SLC12A5: variants seen among roughly 807,000 people sequenced by gnomAD.
SLC12A5 encodes the protein solute carrier family 12 member 5, also known as K-Cl cotransporter 2.
Under a neutral mutation model 124.0 loss-of-function variants are expected in SLC12A5, and 18 were observed. The observed-to-expected ratio is 0.15, with a 90% confidence interval of 0.10 to 0.22. The LOEUF (loss-of-function observed/expected upper bound fraction) is 0.22, where lower values mean the gene tolerates loss of function less well. SLC12A5 is among the 10% of genes least tolerant of loss of function. The pLI is 1.00. For synonymous variants in SLC12A5, 589 were observed against 568.0 expected (o/e 1.04, Z -0.53); for missense variants, 867 against 1,478.7 (o/e 0.59, Z 6.78).
rs367615526 is a variant in SLC12A5 at position 46,057,132 on chromosome 20, C to A, written c.3126-38C>A. ...ACTGGCTCCAATCTTCTCTACCCCC[C>A]CGGCTCACGCGGTCTCCACTCCTCC... is the stretch of plus-strand genomic sequence containing the variant. On this transcript the variant is annotated intron_variant, in intron 24 of 25. Transcript: ENST00000243964. This position sits in a 1 kb window ranked among gnomAD's most constrained non-coding sequence, Gnocchi z 7.1. 5.0e-6 allele frequency: 8 copies of A among 1,612,074 alleles called. No individual in the cohort carries two copies. The highest frequency in any genetic ancestry group is 1.7e-5 in the Admixed American group (1 of 60,004).
At chr20:46,051,018 G>C (rs939067530) in intron 17 of SLC12A5, among the ~76,000 whole-genome samples, 1 of 152,116 alleles carries the variant, frequency 6.6e-6, no homozygotes, top group African/African-American at 2.4e-5. Flanking sequence ...GGCAGAGATA[G>C]GAGTTGAACT....
exon 2 of SLC12A5, chr20:46,022,943 G>GGGAGGAGGAGGAGGAGGGGGA (rs2084367079): frequency 2.9e-6 from 1 of 347,060 alleles, no homozygotes; most frequent in African/African-American, 3.0e-5. Flanking sequence ...CCCCAGCGAG[G>GGGAGGAGGAGGAGGAGGGGGA]GGAGGAGGAG....
chr20:46,051,671 C>T lies in SLC12A5; in HGVS notation c.2182-4C>T, dbSNP rs771121800. On this transcript the variant is annotated splice_polypyrimidine_tract_variant and splice_region_variant and intron_variant, in intron 17 of 25. Transcript: ENST00000243964. ...CTGGTCCTTGTCTTTTCCCCCTCCC[C>T]TAGTCTATCAGGCGCCTGATGGAGG... is the stretch of plus-strand genomic sequence containing the variant. The T allele has an allele frequency of 1.2e-6, 2 of 1,605,284 alleles. No homozygotes were observed. Among genetic ancestry groups the T allele is most frequent in the African/African-American group, 2.7e-5 (2 of 74,344 alleles).
intron 1 of SLC12A5, 23 bp from the exon 2 acceptor site, chr20:46,034,925 C>T: frequency 6.2e-7 from 1 of 1,610,890 alleles, no homozygotes; most frequent in Non-Finnish European, 8.5e-7. Flanking sequence ...GGTTCCAGAT[C>T]CCTGACCCCT....
chr20:46,027,600 G>C (rs1413603957), upstream of SLC12A5: 1 of 151,910 alleles, frequency 6.6e-6, no homozygotes, highest in Non-Finnish European at 1.5e-5. Context: ...CACAAGAAAA[G>C]GAATAAAGCA....
At chr20:46,021,762 C>T (rs757796239), upstream of SLC12A5, 12 of 1,534,026 alleles carry the variant, frequency 7.8e-6, no homozygotes, top group African/African-American at 1.4e-4. Flanking sequence ...CTCCTTTCCG[C>T]GCCATGAGCC....
At position 46,022,179 on chromosome 20, in the gene SLC12A5, A is replaced by G. The variant is rs6130997; in HGVS notation, c.48+293A>G. ...GAAGGGGGCGGGTCTGGTGATGGAA[A>G]GGCCGGGGTCAAGGTGGAGAGTAGG... On this transcript the variant is annotated intron_variant, in intron 1 of 2. Transcript: ENST00000413737. 0.46 allele frequency: 122,491 copies of G among 266,798 alleles called. 30,219 individuals are homozygous for G. Among genetic ancestry groups the G allele is most frequent in the East Asian group, 0.73 (9,045 of 12,376 alleles). The allele number at this position is 266,798 out of a possible 1,614,324, so 16.5% of individuals were successfully genotyped here. A position where few individuals can be genotyped will look rare whatever the true frequency, so the allele number is the denominator to read the frequency against.
chr20:46,041,507 G>A lies in SLC12A5; in HGVS notation c.1033G>A (p.Gly345Ser), dbSNP rs909559043. The stretch of plus-strand genomic sequence containing the variant: ...CCGAAACAATGTCACAGAGATCCAG[G>A]GCATCCCTGGTGCTGCCAGTGGCCT... ...FTRNNVTEIQGIPGAASGLIK... is the reference protein window; with the variant it reads ...FTRNNVTEIQSIPGAASGLIK... Residue 345 changes from glycine to serine, a missense_variant, in exon 8 of 26, where the codon GGC (glycine) becomes AGC (serine). Transcript: ENST00000243964. 1 of 1,614,054 alleles carries A rather than the reference G, an allele frequency of 6.2e-7. No homozygotes were observed. The highest frequency in any genetic ancestry group is 8.5e-7 in the Non-Finnish European group (1 of 1,180,004).
At chr20:46,037,167 C>T in intron 5 of SLC12A5, 88 bp from the exon 6 acceptor site, 2 of 1,498,672 alleles carry the variant, frequency 1.3e-6, no homozygotes, top group East Asian at 2.3e-5. Context: ...GGAGCAACCC[C>T]CTTCTGCCTC....
At position 46,049,607 on chromosome 20, in the gene SLC12A5, C is replaced by T. The variant is rs1166689954; in HGVS notation, c.2013-15C>T. ...TACATGGTATATGGATTATGTGACTCTGCACACTCTTCAGGCCACAGCTGC... is the reference window on the plus strand; with the variant it reads ...TACATGGTATATGGATTATGTGACTTTGCACACTCTTCAGGCCACAGCTGC... On this transcript the variant is annotated splice_polypyrimidine_tract_variant and intron_variant, in intron 16 of 25. Transcript: ENST00000243964. 2.5e-6 allele frequency: 4 copies of T among 1,593,500 alleles called. No homozygotes were observed. Among genetic ancestry groups the T allele is most frequent in the Non-Finnish European group, 8.5e-7 (1 of 1,170,264 alleles).
rs760385352 is a variant in SLC12A5 at position 46,051,705 on chromosome 20, G to A, written c.2212G>A (p.Val738Met). The change falls in exon 18 of 26, where the codon GTG (valine) becomes ATG (methionine). Residue 738 changes from valine (V) to methionine (M), a missense_variant. Transcript: ENST00000243964. ...SIRRLMEAEKVKGFCQVVISS... is the reference protein window; with the variant it reads ...SIRRLMEAEKMKGFCQVVISS... ...CAGGCGCCTGATGGAGGCAGAGAAGGTGAAGGGCTTCTGCCAGGTGGTGAT... is the reference window on the plus strand; with the variant it reads ...CAGGCGCCTGATGGAGGCAGAGAAGATGAAGGGCTTCTGCCAGGTGGTGAT... 7 of 1,609,542 alleles carry A rather than the reference G, an allele frequency of 4.3e-6. No individual in the cohort carries two copies. In the Admixed American group the frequency reaches 8.4e-5, roughly 19 times the overall value.
intron 9 of SLC12A5, 37 bp downstream of exon 9, chr20:46,043,360 G>A: frequency 6.2e-7 from 1 of 1,601,704 alleles, no homozygotes; most frequent in Admixed American, 1.7e-5. Context: ...CTCTGCCTGT[G>A]AGTGGATGGG....
At position 46,059,010 on chromosome 20, in the gene SLC12A5, G is replaced by T; in HGVS notation, c.*1405G>T. On this transcript the variant is annotated 3_prime_UTR_variant, in exon 26 of 26. Coordinates refer to ENST00000243964, the MANE Select transcript of SLC12A5 (RefSeq NM_020708.5). ...CTCTAACTAGGACCCAGGGCCTTTGGCTTCCCCAGCTCATCCTTGGCCCTT... is the reference window on the plus strand; with the variant it reads ...CTCTAACTAGGACCCAGGGCCTTTGTCTTCCCCAGCTCATCCTTGGCCCTT... 1 of 332,696 alleles carries T rather than the reference G, an allele frequency of 3.0e-6. No individual in the cohort carries two copies. Among genetic ancestry groups the T allele is most frequent in the Admixed American group, 4.8e-5 (1 of 20,632 alleles). 20.6% of individuals were successfully genotyped at this position (332,696 alleles called of 1,614,324 possible).
chr20:46,043,147 C>A lies in SLC12A5; in HGVS notation c.1067-6C>A, dbSNP rs754995541. 6.2e-7 allele frequency: 1 copy of A among 1,613,142 alleles called. No individual in the cohort carries two copies. The highest frequency in any genetic ancestry group is 8.5e-7 in the Non-Finnish European group (1 of 1,179,392). On this transcript the variant is annotated splice_polypyrimidine_tract_variant and splice_region_variant and intron_variant, in intron 8 of 25. Transcript: ENST00000243964. ...GCCTCCCCCTGAGCATTCTGTCTCC[C>A]CACAGAGAACCTCTGGAGCTCCTAC...
chr20:46,044,344 A>G (rs1412003989), intron 11 of SLC12A5, among the ~76,000 whole-genome samples: 1 of 152,172 alleles, frequency 6.6e-6, no homozygotes, highest in Non-Finnish European at 1.5e-5. Context: ...ACTGGCCAAC[A>G]GACTTTAAGT....
At chr20:46,044,721 G>A (rs766336802) in intron 11 of SLC12A5, 12 of 527,564 alleles carry the variant, frequency 2.3e-5, no homozygotes, top group Non-Finnish European at 4.0e-5. Context: ...AATGCAGTGG[G>A]GGACGTGGGG....
chr20:46,029,229 C>T lies in SLC12A5; in HGVS notation c.-116C>T. 3.4e-6 allele frequency: 5 copies of T among 1,449,422 alleles called. No individual in the cohort carries two copies. Among genetic ancestry groups the T allele is most frequent in the Admixed American group, 2.9e-5 (1 of 34,754 alleles). The allele number at this position is 1,449,422 out of a possible 1,614,324, so 89.8% of individuals were successfully genotyped here. ...GGCGGGCGGGCACTGCAGCTTCTTC[C>T]TCCGTGGAGCGGAGAGCGAGACAGA... On this transcript the variant is annotated 5_prime_UTR_variant, in exon 1 of 26. Coordinates refer to ENST00000243964, the MANE Select transcript of SLC12A5 (RefSeq NM_020708.5).
chr20:46,023,034 G>C, exon 2 of SLC12A5: 1 of 403,396 alleles, frequency 2.5e-6, no homozygotes. Context: ...AGGAGGAGAA[G>C]CCTCCCCAGA....
intron 6 of SLC12A5, among the ~76,000 whole-genome samples, chr20:46,039,826 TA>T (rs1232590404): frequency 6.6e-6 from 1 of 151,578 alleles, no homozygotes; most frequent in Non-Finnish European, 1.5e-5. Flanking sequence ...ACAACAACAA[TA>T]AAAAACCAAC....
Sources: gnomAD v4.1 joint callset for allele counts (sites outside exome capture counted in the v4.1 genomes callset) on GRCh38, gnomAD v4.1.1 for gene constraint, Gnocchi (gnomAD v3.1) non-coding constraint, MANE v1.5 for transcripts, NCBI Gene and HGNC (gene_info 2026-07-23, HGNC 2026-07-21) for gene names.